Variants in DNAJC6 observed in about 807,000 individuals in gnomAD.
DNAJC6 encodes auxilin.
A neutral mutation model predicts 110.0 loss-of-function variants in DNAJC6; 34 were observed. That is an observed-to-expected ratio of 0.31 (90% confidence interval 0.24 to 0.41). The LOEUF is 0.41. DNAJC6 is among the 10% of genes least tolerant of loss of function. The probability of loss-of-function intolerance (pLI) is 1.00; values close to 1 mark genes in which losing one functional copy is unlikely to be tolerated. For synonymous variants in DNAJC6, 406 were observed against 437.2 expected, an observed-to-expected ratio of 0.93 and a Z score of 0.89; for missense variants, 1,031 against 1,207.8, an observed-to-expected ratio of 0.85 and a Z score of 2.17.
At chr1:65,275,117 T>C (rs188616718) in intron 1 of DNAJC6, among the ~76,000 whole-genome samples, 47 of 152,336 alleles carry the variant, frequency 3.1e-4, no homozygotes, top group Admixed American at 3.0e-3. Flanking sequence ...TAATGATTGT[T>C]TTATGGAATA....
intron 1 of DNAJC6, among the ~76,000 whole-genome samples, chr1:65,281,466 C>T (rs1427312507): frequency 6.6e-6 from 1 of 152,102 alleles, no homozygotes; most frequent in East Asian, 1.9e-4. Context: ...TCTATTTGTC[C>T]CTGCGGATTT....
At chr1:65,383,746 G>T (rs1645844657) in intron 5 of DNAJC6, among the ~76,000 whole-genome samples, 1 of 152,286 alleles carries the variant, frequency 6.6e-6, no homozygotes, top group East Asian at 1.9e-4. Flanking sequence ...ATTGAATGAA[G>T]TTGAATCTGG....
chr1:65,303,100 GTTT>G (rs1484588853), intron 1 of DNAJC6, among the ~76,000 whole-genome samples: 1 of 152,180 alleles, frequency 6.6e-6, no homozygotes, highest in Non-Finnish European at 1.5e-5. Context: ...ATGGAAATGT[GTTT>G]TTTAAGTGAG....
At chr1:65,394,438 C>T (rs1019671105) in intron 12 of DNAJC6, among the ~76,000 whole-genome samples, 3 of 152,200 alleles carry the variant, frequency 2.0e-5, no homozygotes, top group Admixed American at 6.5e-5. Flanking sequence ...AAAATCTTCT[C>T]AGTTGTAAAA....
At chr1:65,373,282 A>C (rs1223248232) in intron 4 of DNAJC6, among the ~76,000 whole-genome samples, 3 of 152,080 alleles carry the variant, frequency 2.0e-5, no homozygotes, top group Non-Finnish European at 4.4e-5. Context: ...GTGCAGCTTT[A>C]TATTCGATAT....
At chr1:65,338,331 G>A (rs941208127) in intron 1 of DNAJC6, among the ~76,000 whole-genome samples, 15 of 152,100 alleles carry the variant, frequency 9.9e-5, no homozygotes, top group African/African-American at 3.6e-4. Flanking sequence ...CACCAAAACA[G>A]GTTAAGGTAG....
rs1646161287 is a variant in DNAJC6 at position 65,415,373 on chromosome 1, G to C, written c.*2348G>C. ...GATTTACTTTTAAGGAAAGTTATGA[G>C]GAGAGAATACAAAAAGCATGCACCA... On this transcript the variant is annotated 3_prime_UTR_variant, in exon 19 of 19. Transcript: ENST00000371069. 6.6e-6 allele frequency: 1 copy of C among 151,462 alleles called. No individual in the cohort carries two copies. The highest frequency in any genetic ancestry group is 2.1e-4 in the South Asian group (1 of 4,790). 9.4% of individuals were successfully genotyped at this position (151,462 alleles called of 1,614,324 possible).
intron 1 of DNAJC6, among the ~76,000 whole-genome samples, chr1:65,338,328 A>G (rs1039791028): frequency 6.6e-6 from 1 of 152,078 alleles, no homozygotes; most frequent in Non-Finnish European, 1.5e-5. Context: ...TATCACCAAA[A>G]CAGGTTAAGG....
chr1:65,309,714 TTGA>T lies in DNAJC6; in HGVS notation c.-30_-28del. ...TCCATCTCCCTTTTCGCTTCCCAGG[TTGA>T]TTATTTTCTCTTTTCTCCGGGCTTG... On this transcript the variant is annotated 5_prime_UTR_variant, in exon 1 of 19. Transcript: ENST00000371069. The T allele has an allele frequency of 6.5e-7, 1 of 1,541,390 alleles. No individual in the cohort carries two copies. The highest frequency in any genetic ancestry group is 8.8e-7 in the Non-Finnish European group (1 of 1,142,682).
intron 4 of DNAJC6, among the ~76,000 whole-genome samples, chr1:65,374,469 C>T (rs1229542132): frequency 2.5e-5 from 3 of 120,668 alleles, no homozygotes; most frequent in African/African-American, 8.1e-5. Context: ...CAGAGTTTTA[C>T]AGTTCTTCTT....
At chr1:65,371,270 G>T (rs1168241506) in intron 4 of DNAJC6, among the ~76,000 whole-genome samples, 3 of 152,050 alleles carry the variant, frequency 2.0e-5, no homozygotes, top group Non-Finnish European at 2.9e-5. Flanking sequence ...ATTACCCTAG[G>T]TTCACATCTC....
chr1:65,269,640 T>G (rs1653442395), intron 1 of DNAJC6, among the ~76,000 whole-genome samples: 1 of 152,204 alleles, frequency 6.6e-6, no homozygotes, highest in Non-Finnish European at 1.5e-5. Context: ...CACTGCTGCA[T>G]GTGACTGGGT....
upstream of DNAJC6, among the ~76,000 whole-genome samples, chr1:65,304,550 G>C (rs1205509165): frequency 6.6e-6 from 1 of 152,226 alleles, no homozygotes; most frequent in East Asian, 1.9e-4. Flanking sequence ...AAAGTTTTGA[G>C]AACTGAAGAG....
intron 5 of DNAJC6, among the ~76,000 whole-genome samples, chr1:65,383,184 G>C (rs149679586): frequency 0.013 from 2,052 of 152,236 alleles, 10 homozygotes; most frequent in African/African-American, 0.047. Flanking sequence ...GGTCACATCT[G>C]TCAGGGATGT....
intron 2 of DNAJC6, among the ~76,000 whole-genome samples, chr1:65,365,189 T>G (rs997246233): frequency 3.9e-5 from 6 of 152,200 alleles, no homozygotes; most frequent in African/African-American, 1.4e-4. Flanking sequence ...GCAATCTGAA[T>G]AAGCATTACC....
intron 1 of DNAJC6, among the ~76,000 whole-genome samples, chr1:65,288,858 A>G (rs1654103951): frequency 6.6e-6 from 1 of 152,046 alleles, no homozygotes; most frequent in Non-Finnish European, 1.5e-5. Flanking sequence ...ATTCTTTCTC[A>G]TTCCTATATA....
At chr1:65,271,540 A>G (rs565035637) in intron 1 of DNAJC6, among the ~76,000 whole-genome samples, 5 of 152,072 alleles carry the variant, frequency 3.3e-5, no homozygotes, top group Non-Finnish European at 7.4e-5. Flanking sequence ...TTAGAATTTC[A>G]TTTTCTAATT....
intron 4 of DNAJC6, among the ~76,000 whole-genome samples, chr1:65,377,729 G>A (rs532999057): frequency 1.3e-5 from 2 of 152,272 alleles, no homozygotes; most frequent in East Asian, 3.9e-4. Flanking sequence ...GCTCTACCAA[G>A]AGCACAGATA....
At chr1:65,345,907 T>A (rs946224197) in intron 1 of DNAJC6, among the ~76,000 whole-genome samples, 9 of 152,006 alleles carry the variant, frequency 5.9e-5, no homozygotes, top group African/African-American at 2.2e-4. Context: ...TATGAGAAGG[T>A]CTCCATAAGC....
Sources: gnomAD v4.1 joint callset for allele counts (sites outside exome capture counted in the v4.1 genomes callset) on GRCh38, gnomAD v4.1.1 for gene constraint, MANE v1.5 for transcripts, NCBI Gene and HGNC (gene_info 2026-07-23, HGNC 2026-07-21) for gene names.